Variants in RBX1 observed in about 807,000 individuals in gnomAD.
RBX1 encodes ring-box 1.
For missense variants in RBX1, 46 were observed against 141.4 expected, an observed-to-expected ratio of 0.33 and a Z score of 3.42; for synonymous variants, 48 against 47.9, an observed-to-expected ratio of 1.00 and a Z score of -0.01.
Position 40,964,234 on chromosome 22 carries a change from G to A in RBX1, c.228+117G>A, listed in dbSNP as rs181784005. ...TGACTAGTCCACCTTTCTCCCAAAA[G>A]GTATACAAATAGTAAAAAAGATTTT... On this transcript the variant is annotated intron_variant, in intron 3 of 4. Transcript: ENST00000216225. 58 of 722,560 alleles carry A rather than the reference G, an allele frequency of 8.0e-5. No individual in the cohort carries two copies. In the Middle Eastern group the frequency reaches 1.2e-3, roughly 16 times the overall value. 44.8% of individuals were successfully genotyped at this position (722,560 alleles called of 1,614,324 possible).
At chr22:40,972,356 C>G (rs1483246659) in intron 4 of RBX1, 120 bp from the exon 5 acceptor site, 1 of 713,812 alleles carries the variant, frequency 1.4e-6, no homozygotes, top group Non-Finnish European at 2.5e-6. Flanking sequence ...TCACCTAATC[C>G]TGGAGCACAC....
At chr22:40,955,483 A>G (rs566064536) in intron 2 of RBX1, among the ~76,000 whole-genome samples, 1 of 152,166 alleles carries the variant, frequency 6.6e-6, no homozygotes, top group Non-Finnish European at 1.5e-5. Context: ...TTATATAGTC[A>G]AAATAGTTTT....
intron 3 of RBX1, 35 bp from the exon 4 acceptor site, chr22:40,967,764 G>C (rs1269772356): frequency 6.4e-7 from 1 of 1,572,354 alleles, no homozygotes; most frequent in African/African-American, 1.4e-5. Context: ...AGCCTGCATA[G>C]AGTTATTTTT....
chr22:40,961,651 G>A (rs531414834), intron 2 of RBX1, among the ~76,000 whole-genome samples: 31 of 152,052 alleles, frequency 2.0e-4, no homozygotes, highest in Non-Finnish European at 3.8e-4. Flanking sequence ...TGACCCACCC[G>A]CCTCAGCCTC....
chr22:40,960,115 A>C (rs1231162648), intron 2 of RBX1, among the ~76,000 whole-genome samples: 1 of 151,992 alleles, frequency 6.6e-6, no homozygotes, highest in Admixed American at 6.6e-5. Context: ...GACTGTCTAA[A>C]AAAAAAAGAA....
chr22:40,953,848 T>C (rs1216675283), intron 2 of RBX1, among the ~76,000 whole-genome samples: 3 of 152,136 alleles, frequency 2.0e-5, no homozygotes, highest in African/African-American at 7.2e-5. Flanking sequence ...CTACTCAATC[T>C]AAAGATGGCA....
chr22:40,966,517 T>G (rs2058354873), intron 3 of RBX1: 1 of 152,208 alleles, frequency 6.6e-6, no homozygotes, highest in African/African-American at 2.4e-5. Flanking sequence ...GCTCTTTCTC[T>G]TTTTCACAGT....
intron 1 of RBX1, among the ~76,000 whole-genome samples, chr22:40,951,761 G>T (rs919098209): frequency 3.1e-4 from 46 of 147,582 alleles, no homozygotes; most frequent in African/African-American, 1.1e-3. Flanking sequence ...AAGCGCTTGA[G>T]CTGTCACTGG....
At chr22:40,961,005 C>G (rs2058338393) in intron 2 of RBX1, among the ~76,000 whole-genome samples, 1 of 151,860 alleles carries the variant, frequency 6.6e-6, no homozygotes, top group Admixed American at 6.6e-5. Context: ...CTCAGATGAT[C>G]TGCCTGCCTC....
intron 2 of RBX1, among the ~76,000 whole-genome samples, chr22:40,961,773 G>C (rs372653533): frequency 6.6e-6 from 1 of 150,452 alleles, no homozygotes; most frequent in Non-Finnish European, 1.5e-5. Context: ...GCAAAAGTAA[G>C]TGCTTTGCTT....
At chr22:40,954,780 GC>G (rs1288453353) in intron 2 of RBX1, among the ~76,000 whole-genome samples, 1 of 151,372 alleles carries the variant, frequency 6.6e-6, no homozygotes, top group Non-Finnish European at 1.5e-5. Flanking sequence ...AGCAGCCATG[GC>G]CCCGGCCAGT....
rs368903477 is a variant in RBX1, at chr22:40,964,368, G to C, written c.228+251G>C. 5 of 357,120 alleles carry C rather than the reference G, an allele frequency of 1.4e-5. No homozygotes were observed. The South Asian group carries it at 1.7e-4, about 12-fold the overall frequency. 22.1% of individuals were successfully genotyped at this position (357,120 alleles called of 1,614,324 possible). On this transcript the variant is annotated intron_variant, in intron 3 of 4. Transcript: ENST00000216225. ...ACCCAATTTTGTTAGCAGTATTTTG[G>C]GGCTTCATCTATGGGAATTGCCTTC...
At chr22:40,958,603 C>G (rs2058331773) in intron 2 of RBX1, among the ~76,000 whole-genome samples, 1 of 152,098 alleles carries the variant, frequency 6.6e-6, no homozygotes, top group African/African-American at 2.4e-5. Context: ...TTTACACTGT[C>G]TCCTTCCTTG....
intron 2 of RBX1, among the ~76,000 whole-genome samples, chr22:40,959,000 A>G (rs2058332757): frequency 6.6e-6 from 1 of 151,844 alleles, no homozygotes; most frequent in Non-Finnish European, 1.5e-5. Flanking sequence ...TTTTAGTAGA[A>G]ACAGGGTTTC....
chr22:40,967,476 A>AG (rs777640565), intron 3 of RBX1: 1 of 181,068 alleles, frequency 5.5e-6, no homozygotes, highest in Non-Finnish European at 1.2e-5. Flanking sequence ...AGAAAGTGGA[A>AG]GTATCCCCTT....
At chr22:40,959,117 C>T (rs114278212) in intron 2 of RBX1, among the ~76,000 whole-genome samples, 2,793 of 152,098 alleles carry the variant, frequency 0.018, 74 homozygotes, top group African/African-American at 0.062. Flanking sequence ...CGCCCGGCCC[C>T]GTCAGTGTTT....
At chr22:40,963,209 CTT>C (rs1406892353) in intron 2 of RBX1, among the ~76,000 whole-genome samples, 1 of 152,132 alleles carries the variant, frequency 6.6e-6, no homozygotes, top group African/African-American at 2.4e-5. Context: ...TCTCCTGAAG[CTT>C]TTTATTCTTC....
intron 3 of RBX1, chr22:40,966,463 A>T (rs1444834792): frequency 6.6e-6 from 1 of 152,120 alleles, no homozygotes; most frequent in Non-Finnish European, 1.5e-5. Flanking sequence ...CCAACACCTG[A>T]TGGTTAAGAA....
At chr22:40,962,493 TA>T (rs2058343546) in intron 2 of RBX1, among the ~76,000 whole-genome samples, 2 of 149,702 alleles carry the variant, frequency 1.3e-5, no homozygotes, top group African/African-American at 2.4e-5. Context: ...TTAATAGTTT[TA>T]CTTTTTTTTT....
Sources: gnomAD v4.1 joint callset for allele counts (sites outside exome capture counted in the v4.1 genomes callset) on GRCh38, gnomAD v4.1.1 for gene constraint, MANE v1.5 for transcripts, NCBI Gene and HGNC (gene_info 2026-07-23, HGNC 2026-07-21) for gene names.